Variants in FANCI observed in about 807,000 individuals in gnomAD.
FANCI encodes the protein Fanconi anemia group I protein.
FANCI carries 156 observed loss-of-function variants against 176.1 expected under a neutral mutation model. That is an observed-to-expected ratio of 0.89 (90% confidence interval 0.78 to 1.01). The LOEUF is 1.01. Ranked by LOEUF, FANCI falls within the 50% of genes least tolerant of loss-of-function variation. FANCI has a pLI of 0.00. For missense variants in FANCI, 1,678 were observed against 1,534.1 expected, an observed-to-expected ratio of 1.09 and a Z score of -1.57; for synonymous variants, 613 against 541.7, an observed-to-expected ratio of 1.13 and a Z score of -1.83.
intron 2 of FANCI, among the ~76,000 whole-genome samples, chr15:89,257,264 T>G (rs2052537081): frequency 6.6e-6 from 1 of 152,188 alleles, no homozygotes; most frequent in Non-Finnish European, 1.5e-5. Context: ...GAATTTCTAT[T>G]CTTAGTTCTC....
At chr15:89,278,193 G>C (rs1223896136) in intron 13 of FANCI, among the ~76,000 whole-genome samples, 2 of 152,190 alleles carry the variant, frequency 1.3e-5, no homozygotes, top group Non-Finnish European at 2.9e-5. Flanking sequence ...AAGTAATCAA[G>C]TTGAAGTAAG....
At position 89,301,729 on chromosome 15, in the gene FANCI, T is replaced by C. The variant is rs138624258; in HGVS notation, c.3006+287T>C. Among the ~76,000 whole-genome samples the C allele has an allele frequency of 2.6e-3, 388 of 151,916 alleles. 6 individuals carry two copies. Among genetic ancestry groups the C allele is most frequent in the African/African-American group, 9.1e-3 (377 of 41,424 alleles). On this transcript the variant is annotated intron_variant, in intron 27 of 37. Transcript: ENST00000310775. ...ACAGAAAGAATCCTGTGTTGATCTT[T>C]GGTGCCTTCAACCTTCTTAAACCTG...
In FANCI at chr15:89,314,841, C is replaced by G. The variant is rs1362356119; in HGVS notation, c.3816+134C>G. ...TGTGTTTGCCATCCCCCCTCTCCCC[C>G]CCCCCCCCTTTTTTTTTTTGAGACT... On this transcript the variant is annotated intron_variant, in intron 36 of 37. Coordinates refer to ENST00000310775, the MANE Select transcript of FANCI (RefSeq NM_001113378.2). The G allele has an allele frequency of 4.6e-5, 25 of 545,604 alleles. No individual in the cohort carries two copies. The East Asian group carries it at 6.9e-4, about 15-fold the overall frequency. 33.8% of individuals were successfully genotyped at this position (545,604 alleles called of 1,614,324 possible). A position where few individuals can be genotyped will look rare whatever the true frequency, so the allele number is the denominator to read the frequency against.
rs942888468 is a variant in FANCI, at chr15:89,305,265, C to T, written c.3186+23C>T. On this transcript the variant is annotated intron_variant, in intron 29 of 37. Coordinates refer to ENST00000310775, the MANE Select transcript of FANCI (RefSeq NM_001113378.2). ...CAGGTACTATAATGAGCCTTCAGTA[C>T]AATACCCTGTGTGGGGATGGGGGTC... 4.3e-6 allele frequency: 7 copies of T among 1,614,082 alleles called. No individual in the cohort carries two copies. The African/African-American group carries it at 5.3e-5, about 12-fold the overall frequency.
chr15:89,315,424 C>T (rs1200939802), intron 37 of FANCI, 35 bp downstream of exon 37: 2 of 1,428,828 alleles, frequency 1.4e-6, no homozygotes, highest in African/African-American at 1.4e-5. Flanking sequence ...CCCAGCCACT[C>T]TTCCTAGCTG....
At chr15:89,275,194 C>A (rs1241896933) in intron 12 of FANCI, among the ~76,000 whole-genome samples, 2 of 149,468 alleles carry the variant, frequency 1.3e-5, no homozygotes, top group African/African-American at 4.9e-5. Flanking sequence ...TCTCAAGTAG[C>A]TGGGACAATA....
rs761696258 is a variant in FANCI, at chr15:89,307,583, A to G, written c.3592-30A>G. On this transcript the variant is annotated intron_variant, in intron 33 of 37. Coordinates refer to ENST00000310775, the MANE Select transcript of FANCI (RefSeq NM_001113378.2). ...GGGGGAAGCACTTTTACTGCTGGTTACATTGGTTTCCTTCTCCCTTGTTGT... is the reference window on the plus strand; with the variant it reads ...GGGGGAAGCACTTTTACTGCTGGTTGCATTGGTTTCCTTCTCCCTTGTTGT... 3.1e-6 allele frequency: 5 copies of G among 1,614,078 alleles called. No homozygotes were observed. The Admixed American group carries it at 8.3e-5, about 27-fold the overall frequency.
rs536522307 is a variant in FANCI at position 89,316,843 on chromosome 15, A to G, written c.*384A>G. 137 of 1,598,362 alleles carry G rather than the reference A, an allele frequency of 8.6e-5. No individual in the cohort carries two copies. Among genetic ancestry groups the G allele is most frequent in the Non-Finnish European group, 1.1e-4 (126 of 1,165,788 alleles). ...AGCGCTTCACCTGAAAGATAGTGCA[A>G]ATTGGTTAGGATGCCACCTCAAGAA... On this transcript the variant is annotated 3_prime_UTR_variant, in exon 38 of 38. Coordinates refer to ENST00000310775, the MANE Select transcript of FANCI (RefSeq NM_001113378.2).
intron 24 of FANCI, among the ~76,000 whole-genome samples, chr15:89,297,174 A>G (rs1213081110): frequency 7.8e-6 from 1 of 127,762 alleles, no homozygotes; most frequent in East Asian, 2.4e-4. Flanking sequence ...GCGGCCGGGC[A>G]GAGGTGCTCC....
rs903666258 is a variant in FANCI at position 89,295,041 on chromosome 15, C to A, written c.2583C>A (p.Gly861=). Reference sequence around the variant, plus strand: ...TAAAGGAAACAGGGCATGTGAGTGGCCCTGATGGCCAAAACCCAGAAAAGA... The same window carrying A: ...TAAAGGAAACAGGGCATGTGAGTGGACCTGATGGCCAAAACCCAGAAAAGA... ...QQLKETGHVS[G]PDGQNPEKIF... is the part of the protein sequence containing the mutation. Residue 861 remains glycine, a synonymous_variant, in exon 24 of 38, where the codon GGC becomes GGA. Transcript: ENST00000310775. 1.9e-6 allele frequency: 3 copies of A among 1,552,104 alleles called. No individual in the cohort carries two copies. The highest frequency in any genetic ancestry group is 2.0e-5 in the Admixed American group (1 of 50,992).
chr15:89,261,172 G>T (rs2052697356), intron 4 of FANCI, among the ~76,000 whole-genome samples: 1 of 152,178 alleles, frequency 6.6e-6, no homozygotes, highest in South Asian at 2.1e-4. Flanking sequence ...TTGGGAGGCT[G>T]AGGCAGGAAG....
chr15:89,274,248 T>C lies in FANCI; in HGVS notation c.1056T>C (p.Asn352=), dbSNP rs1414254499. 1 of 1,612,852 alleles carries C rather than the reference T, an allele frequency of 6.2e-7. No homozygotes were observed. Among genetic ancestry groups the C allele is most frequent in the South Asian group, 1.1e-5 (1 of 90,920 alleles). ...QLLQGSKFLQ[N]LVPHRSYVST... ...TCCAAGGCTCAAAATTTCTTCAGAA[T>C]CTAGTTCCTCATAGATCTTATGTTT... The change falls in exon 12 of 38, where the codon AAT becomes AAC. Residue 352 remains asparagine (N), a synonymous_variant. Transcript: ENST00000310775.
intron 28 of FANCI, among the ~76,000 whole-genome samples, chr15:89,304,728 C>T (rs1201773085): frequency 5.3e-5 from 8 of 152,022 alleles, no homozygotes. Flanking sequence ...CACTCCACCC[C>T]ACACACCCTG....
intron 34 of FANCI, among the ~76,000 whole-genome samples, chr15:89,308,843 G>A (rs891918261): frequency 6.6e-6 from 1 of 152,132 alleles, no homozygotes; most frequent in Non-Finnish European, 1.5e-5. Flanking sequence ...CTACTTGGGA[G>A]GCTGAGGCAG....
At chr15:89,274,452 G>A in intron 12 of FANCI, 148 bp downstream of exon 12, 1 of 875,768 alleles carries the variant, frequency 1.1e-6, no homozygotes, top group Non-Finnish European at 1.8e-6. Context: ...CTTAAAACTG[G>A]TAGAGGATAC....
intron 34 of FANCI, 85 bp from the exon 35 acceptor site, chr15:89,312,813 TCTTAAA>T: frequency 1.1e-6 from 1 of 918,892 alleles, no homozygotes; most frequent in Non-Finnish European, 1.6e-6. Flanking sequence ...CAAAGCTCTG[TCTTAAA>T]AAAAAAAAAA....
chr15:89,269,743 T>C (rs1003891036), intron 10 of FANCI, among the ~76,000 whole-genome samples: 1 of 152,192 alleles, frequency 6.6e-6, no homozygotes, highest in Non-Finnish European at 1.5e-5. Flanking sequence ...TGTGGCTGTT[T>C]TCCCATTTAT....
intron 6 of FANCI, 58 bp downstream of exon 6, chr15:89,261,936 A>G: frequency 6.6e-7 from 1 of 1,512,976 alleles, no homozygotes; most frequent in East Asian, 2.3e-5. Flanking sequence ...AAAAAAAACC[A>G]CTTTATTTCA....
In FANCI at chr15:89,316,456, A is replaced by G. The variant is rs1159813655; in HGVS notation, c.3984A>G (p.Lys1328=). ...NKEPAKKKRK[K] ...AACCAGCCAAGAAGAAAAGGAAAAA[A>G]TAAATGAAATGCCTGAGTTAATGTG... Residue 1328 remains lysine (K), a synonymous_variant, in exon 38 of 38, where the codon AAA becomes AAG. Transcript: ENST00000310775. 1.2e-6 allele frequency: 2 copies of G among 1,609,598 alleles called. No homozygotes were observed. Among genetic ancestry groups the G allele is most frequent in the Non-Finnish European group, 1.7e-6 (2 of 1,177,404 alleles).
Sources: allele counts gnomAD v4.1 joint callset (sites outside exome capture counted in the v4.1 genomes callset), GRCh38; gene constraint gnomAD v4.1.1; transcripts MANE v1.5; gene names NCBI Gene and HGNC (gene_info 2026-07-23, HGNC 2026-07-21).